ACTN4: variants seen among roughly 807,000 people sequenced by gnomAD.
The protein encoded by ACTN4 is alpha-actinin-4.
Under a neutral mutation model 114.2 loss-of-function variants are expected in ACTN4, and 18 were observed. The ratio of observed to expected loss-of-function variants is 0.16; its 90% CI spans 0.11 to 0.23. The LOEUF (loss-of-function observed/expected upper bound fraction) is 0.23, where lower values mean the gene tolerates loss of function less well. ACTN4 is among the 10% of genes least tolerant of loss of function. The pLI is 1.00. For synonymous variants in ACTN4, 515 were observed against 506.3 expected, an observed-to-expected ratio of 1.02 and a Z score of -0.23; for missense variants, 722 against 1,262.9, an observed-to-expected ratio of 0.57 and a Z score of 6.49.
At position 38,647,824 on chromosome 19, in the gene ACTN4, A is replaced by G. The variant is rs998300210; in HGVS notation, c.79A>G (p.Ser27Gly). ...GGGCAATGGCGCTGGCGGCGGGGGCAGCATGGGCGACTACATGGCCCAGGA... is the reference window on the plus strand; with the variant it reads ...GGGCAATGGCGCTGGCGGCGGGGGCGGCATGGGCGACTACATGGCCCAGGA... Reference protein sequence around the residue: ...SAGNGAGGGGSMGDYMAQEDD... With the variant: ...SAGNGAGGGGGMGDYMAQEDD... Residue 27 changes from serine to glycine, a missense_variant, in exon 1 of 21, where the codon AGC becomes GGC. By Grantham distance (56) the Ser-to-Gly change is moderately conservative. Transcript: ENST00000252699. 1.9e-6 allele frequency: 3 copies of G among 1,551,546 alleles called. No homozygotes were observed. The highest frequency in any genetic ancestry group is 2.8e-5 in the African/African-American group (2 of 71,698).
rs115270880 is a variant in ACTN4, at chr19:38,658,626, T to G, written c.162+10719T>G. 5.2e-3 allele frequency among the ~76,000 whole-genome samples: 786 copies of G among 152,360 alleles called. 9 individuals are homozygous for G. The highest frequency in any genetic ancestry group is 0.018 in the African/African-American group (750 of 41,586). ...AGGGTCAGAGATTTGAAGACTTCTG[T>G]GATCTTCCAGTTCTGGCCTATGAAA... On this transcript the variant is annotated intron_variant, in intron 1 of 20. Coordinates refer to ENST00000252699, the MANE Select transcript of ACTN4 (RefSeq NM_004924.6).
chr19:38,681,086 A>G (rs901232060), intron 1 of ACTN4, among the ~76,000 whole-genome samples: 1 of 136,652 alleles, frequency 7.3e-6, no homozygotes, highest in Non-Finnish European at 1.5e-5. Context: ...AGATTGCGCC[A>G]CTGTACTCTA....
At chr19:38,701,945 G>C (rs1599821908) in intron 3 of ACTN4, among the ~76,000 whole-genome samples, 1 of 152,262 alleles carries the variant, frequency 6.6e-6, no homozygotes, top group Admixed American at 6.5e-5. Flanking sequence ...CAGAATGTGT[G>C]TGCTGAGTTC....
At chr19:38,708,888 AAG>A (rs1016532274) in intron 6 of ACTN4, among the ~76,000 whole-genome samples, 3 of 152,176 alleles carry the variant, frequency 2.0e-5, no homozygotes, top group African/African-American at 4.8e-5. Context: ...CACAGTGAGC[AAG>A]AGAGCTGGGC....
rs117220223 is a variant in ACTN4, at chr19:38,697,956, C to T, written c.163-2644C>T. ...CATCAAGGCTGGCAGTGCTCTGGGG[C>T]TGTAAAGGTGCAGGCGCCGTACTTC... is the stretch of plus-strand genomic sequence containing the variant. On this transcript the variant is annotated intron_variant, in intron 1 of 20. Transcript: ENST00000252699. Among the ~76,000 whole-genome samples, 3 of 152,326 alleles carry T rather than the reference C, an allele frequency of 2.0e-5. No individual in the cohort carries two copies. In the East Asian group the frequency reaches 5.8e-4, roughly 29 times the overall value.
At chr19:38,671,567 C>T (rs1204429379) in intron 1 of ACTN4, among the ~76,000 whole-genome samples, 1 of 152,168 alleles carries the variant, frequency 6.6e-6, no homozygotes, top group African/African-American at 2.4e-5. Flanking sequence ...AATGGAAAAG[C>T]CTGAATGCAG....
Position 38,705,037 on chromosome 19 carries a change from C to G in ACTN4, c.484+17C>G, listed in dbSNP as rs1568723856. ...CCGTGGAAGGTGACAGCCACCTGTACTGCCCCCGCTTCCCACCTGAGTCAG... is the reference window on the plus strand; with the variant it reads ...CCGTGGAAGGTGACAGCCACCTGTAGTGCCCCCGCTTCCCACCTGAGTCAG... On this transcript the variant is annotated intron_variant, in intron 4 of 20. Coordinates refer to ENST00000252699, the MANE Select transcript of ACTN4 (RefSeq NM_004924.6). The G allele has an allele frequency of 1.7e-5, 27 of 1,609,786 alleles. No homozygotes were observed. Among genetic ancestry groups the G allele is most frequent in the Non-Finnish European group, 2.2e-5 (26 of 1,176,102 alleles).
intron 5 of ACTN4, 109 bp from the exon 6 acceptor site, chr19:38,708,008 C>A: frequency 3.5e-6 from 4 of 1,155,734 alleles, no homozygotes; most frequent in Admixed American, 3.4e-5. Context: ...CTGGCACAGG[C>A]CAGACTGCAG....
chr19:38,692,929 G>A (rs1424272619), intron 1 of ACTN4, among the ~76,000 whole-genome samples: 2 of 152,084 alleles, frequency 1.3e-5, no homozygotes, highest in Non-Finnish European at 2.9e-5. Flanking sequence ...AACCCTACAC[G>A]GTATTTCAGA....
chr19:38,666,363 G>T (rs369888170), intron 1 of ACTN4, among the ~76,000 whole-genome samples: 1 of 152,378 alleles, frequency 6.6e-6, no homozygotes, highest in Admixed American at 6.5e-5. Flanking sequence ...ACCGATGGGG[G>T]CTGGGGGTGG....
intron 4 of ACTN4, among the ~76,000 whole-genome samples, chr19:38,705,650 C>T (rs1391531065): frequency 1.3e-5 from 2 of 152,244 alleles, no homozygotes; most frequent in East Asian, 1.9e-4. Context: ...GCTGGTATTT[C>T]ACCTTGTTCA....
intron 3 of ACTN4, among the ~76,000 whole-genome samples, chr19:38,703,488 C>T (rs1348400026): frequency 3.3e-5 from 5 of 152,280 alleles, no homozygotes; most frequent in Non-Finnish European, 7.4e-5. Context: ...TCCACACCTG[C>T]CTCAGCCTCC....
chr19:38,723,195 C>A (rs1459000086), intron 12 of ACTN4, among the ~76,000 whole-genome samples: 2 of 152,200 alleles, frequency 1.3e-5, no homozygotes, highest in African/African-American at 4.8e-5. Flanking sequence ...TGGAGCACAG[C>A]CTCAGCCCCT....
chr19:38,719,689 T>G (rs1036957360), intron 11 of ACTN4, among the ~76,000 whole-genome samples: 20 of 152,248 alleles, frequency 1.3e-4, no homozygotes, highest in Admixed American at 1.3e-3. Context: ...CTCAGGTGGC[T>G]CCAGCCGTCC....
intron 1 of ACTN4, among the ~76,000 whole-genome samples, chr19:38,670,502 G>A (rs1169259449): frequency 6.6e-6 from 1 of 152,188 alleles, no homozygotes; most frequent in Non-Finnish European, 1.5e-5. Flanking sequence ...GTGACAAAAT[G>A]GAGGGAAGTA....
At chr19:38,718,632 C>T (rs1968927136) in intron 11 of ACTN4, among the ~76,000 whole-genome samples, 1 of 152,188 alleles carries the variant, frequency 6.6e-6, no homozygotes, top group Non-Finnish European at 1.5e-5. Context: ...AGTCTGCCCT[C>T]GCCTCAGAGG....
chr19:38,718,416 GT>G (rs1260056751), intron 11 of ACTN4, among the ~76,000 whole-genome samples: 1 of 152,074 alleles, frequency 6.6e-6, no homozygotes, highest in Non-Finnish European at 1.5e-5. Context: ...CACACCTGTG[GT>G]CCCAGCTACT....
In ACTN4 at chr19:38,729,097, C is replaced by T. The variant is rs372396071; in HGVS notation, c.2520C>T (p.Thr840=). ...AFIDFMSRET[T]DTDTADQVIA... is the part of the protein sequence containing the mutation. ...TCGACTTCATGTCGCGGGAGACCAC[C>T]GACACGGACACGGCTGACCAGGTCA... The change falls in exon 20 of 21, where the codon ACC becomes ACT. Residue 840 remains threonine, a synonymous_variant. Transcript: ENST00000252699. The T allele has an allele frequency of 9.6e-5, 155 of 1,613,502 alleles. No individual in the cohort carries two copies. Among genetic ancestry groups the T allele is most frequent in the African/African-American group, 2.8e-4 (21 of 75,042 alleles).
chr19:38,714,217 G>A (rs541805901), intron 8 of ACTN4, among the ~76,000 whole-genome samples: 35 of 152,332 alleles, frequency 2.3e-4, no homozygotes, highest in Admixed American at 2.2e-3. Flanking sequence ...AGCAGCAGTG[G>A]GAGGGCTCCC....
Sources: allele counts gnomAD v4.1 joint callset (sites outside exome capture counted in the v4.1 genomes callset), GRCh38; gene constraint gnomAD v4.1.1; transcripts MANE v1.5; gene names NCBI Gene and HGNC (gene_info 2026-07-23, HGNC 2026-07-21).